SDK1: variants seen among roughly 807,000 people sequenced by gnomAD.
SDK1 encodes protein sidekick-1.
Under a neutral mutation model 245.5 loss-of-function variants are expected in SDK1, and 157 were observed. The ratio of observed to expected loss-of-function variants is 0.64; its 90% CI spans 0.56 to 0.73. SDK1 has a LOEUF of 0.73. SDK1 is among the 30% of genes least tolerant of loss of function. The pLI is 0.00. For missense variants in SDK1, 3,583 were observed against 3,002.3 expected, an observed-to-expected ratio of 1.19 and a Z score of -4.52; for synonymous variants, 1,647 against 1,278.5, an observed-to-expected ratio of 1.29 and a Z score of -6.15.
At chr7:4,145,445 C>G (rs1001551789) in intron 28 of SDK1, among the ~76,000 whole-genome samples, 3 of 152,148 alleles carry the variant, frequency 2.0e-5, no homozygotes, top group African/African-American at 7.2e-5. Flanking sequence ...CTGTGGCATG[C>G]TCGCCTCGTG....
chr7:3,956,392 A>G (rs1319114089), intron 7 of SDK1, among the ~76,000 whole-genome samples: 1 of 152,134 alleles, frequency 6.6e-6, no homozygotes, highest in African/African-American at 2.4e-5. Flanking sequence ...ACTCCATCTG[A>G]GCAGCCGCTG....
At chr7:3,652,604 G>T (rs1216860445) in intron 4 of SDK1, among the ~76,000 whole-genome samples, 1 of 152,212 alleles carries the variant, frequency 6.6e-6, no homozygotes, top group East Asian at 1.9e-4. Context: ...GAGGGCTGGT[G>T]TGAGAAGAGA....
chr7:3,570,046 T>C (rs1469553071), intron 1 of SDK1, among the ~76,000 whole-genome samples: 1 of 152,164 alleles, frequency 6.6e-6, no homozygotes, highest in East Asian at 1.9e-4. Context: ...AGCTCCATCA[T>C]TTGAGAGAGG....
At chr7:3,575,218 C>T (rs527706502) in intron 1 of SDK1, among the ~76,000 whole-genome samples, 1 of 152,018 alleles carries the variant, frequency 6.6e-6, no homozygotes, top group Non-Finnish European at 1.5e-5. Context: ...TAGGTGGCTG[C>T]CTTCTTTCTG....
intron 17 of SDK1, among the ~76,000 whole-genome samples, chr7:4,020,374 C>T (rs1042744906): frequency 6.6e-6 from 1 of 152,128 alleles, no homozygotes; most frequent in Admixed American, 6.5e-5. Flanking sequence ...TCAAGGACCT[C>T]CCAGCCAGCC....
intron 1 of SDK1, among the ~76,000 whole-genome samples, chr7:3,398,397 C>T (rs1486408199): frequency 2.6e-5 from 4 of 151,960 alleles, no homozygotes; most frequent in Non-Finnish European, 2.9e-5. Flanking sequence ...GGGCTGTGAC[C>T]TTCAGAAGAG....
chr7:3,318,067 A>T (rs1487214060), intron 1 of SDK1, among the ~76,000 whole-genome samples: 2 of 152,176 alleles, frequency 1.3e-5, no homozygotes, highest in East Asian at 3.8e-4. Context: ...TTATGCATAT[A>T]CAACTATATA....
chr7:3,366,893 C>G (rs1043539748), intron 1 of SDK1, among the ~76,000 whole-genome samples: 2 of 152,024 alleles, frequency 1.3e-5, no homozygotes, highest in Non-Finnish European at 2.9e-5. Context: ...AGGCATGCAC[C>G]ACCATGCCCA....
At chr7:3,562,901 C>CAT (rs1779791532) in intron 1 of SDK1, among the ~76,000 whole-genome samples, 1 of 26,516 alleles carries the variant, frequency 3.8e-5, no homozygotes, top group African/African-American at 2.4e-4. Flanking sequence ...AGCAAATACA[C>CAT]GGGCAGCTAC....
intron 5 of SDK1, among the ~76,000 whole-genome samples, chr7:3,868,534 T>TG (rs904201398): frequency 9.2e-5 from 14 of 152,218 alleles, no homozygotes; most frequent in African/African-American, 2.7e-4. Context: ...ACAAAATAGA[T>TG]GGGGGGCCTT....
At chr7:4,096,402 G>T (rs538385310) in intron 22 of SDK1, among the ~76,000 whole-genome samples, 1 of 152,224 alleles carries the variant, frequency 6.6e-6, no homozygotes, top group African/African-American at 2.4e-5. Flanking sequence ...TCCCGGCAAT[G>T]GTTGTTAGGG....
intron 1 of SDK1, among the ~76,000 whole-genome samples, chr7:3,535,836 C>T (rs1180155796): frequency 6.6e-6 from 1 of 152,094 alleles, no homozygotes; most frequent in African/African-American, 2.4e-5. Context: ...CAGATATTCT[C>T]ATCCATGTGT....
intron 22 of SDK1, among the ~76,000 whole-genome samples, chr7:4,091,334 CTTTTTT>C (rs61065472): frequency 2.8e-5 from 3 of 108,260 alleles, no homozygotes; most frequent in Non-Finnish European, 5.3e-5. Context: ...CTTTTCTTTT[CTTTTTT>C]TTTTTTTTTT....
At chr7:3,709,657 G>T (rs1413685452) in intron 4 of SDK1, among the ~76,000 whole-genome samples, 1 of 152,142 alleles carries the variant, frequency 6.6e-6, no homozygotes, top group Non-Finnish European at 1.5e-5. Flanking sequence ...CTTTCCAAGG[G>T]GGAGACGCAT....
chr7:3,870,856 C>T (rs1399210935), intron 5 of SDK1, among the ~76,000 whole-genome samples: 1 of 152,194 alleles, frequency 6.6e-6, no homozygotes, highest in South Asian at 2.1e-4. Context: ...TGTTCTTAGT[C>T]TTCTCCAAAA....
At chr7:3,333,183 G>T (rs980806877) in intron 1 of SDK1, among the ~76,000 whole-genome samples, 1 of 152,068 alleles carries the variant, frequency 6.6e-6, no homozygotes, top group Non-Finnish European at 1.5e-5. Context: ...GTCGGGGGAG[G>T]GAGGGTACCT....
intron 4 of SDK1, among the ~76,000 whole-genome samples, chr7:3,644,300 A>G (rs1298477079): frequency 6.6e-6 from 1 of 151,516 alleles, no homozygotes; most frequent in African/African-American, 2.4e-5. Context: ...TAGTAAAAAT[A>G]CCAGTTACCT....
intron 35 of SDK1, among the ~76,000 whole-genome samples, chr7:4,203,033 C>T (rs1050187068): frequency 6.6e-6 from 1 of 152,192 alleles, no homozygotes; most frequent in Non-Finnish European, 1.5e-5. Flanking sequence ...TTAGGGACGG[C>T]GAGCACAGGG....
At chr7:3,553,963 A>G (rs574642549) in intron 1 of SDK1, among the ~76,000 whole-genome samples, 23 of 152,330 alleles carry the variant, frequency 1.5e-4, no homozygotes, top group African/African-American at 5.3e-4. Context: ...AGAATGCTGC[A>G]AAGGCTCTGA....
Sources: allele counts gnomAD v4.1 joint callset (sites outside exome capture counted in the v4.1 genomes callset), GRCh38; gene constraint gnomAD v4.1.1; transcripts MANE v1.5; gene names NCBI Gene and HGNC (gene_info 2026-07-23, HGNC 2026-07-21).